TXNDC16: variants seen among roughly 807,000 people sequenced by gnomAD.
TXNDC16 encodes thioredoxin domain-containing protein 16.
TXNDC16 carries 74 observed loss-of-function variants against 85.6 expected under a neutral mutation model. That is an observed-to-expected ratio of 0.86 (90% CI 0.72 to 1.05). The LOEUF (loss-of-function observed/expected upper bound fraction) is 1.05. Ranked by LOEUF, TXNDC16 falls within the 50% of genes least tolerant of loss-of-function variation. TXNDC16 has a pLI of 0.00. For missense variants in TXNDC16, 959 were observed against 947.0 expected, an observed-to-expected ratio of 1.01 and a Z score of -0.17; for synonymous variants, 335 against 326.5, an observed-to-expected ratio of 1.03 and a Z score of -0.28.
chr14:52,454,452 T>C (rs1474991511), intron 18 of TXNDC16, among the ~76,000 whole-genome samples: 7 of 147,746 alleles, frequency 4.7e-5, no homozygotes, highest in Non-Finnish European at 8.9e-5. Flanking sequence ...CAAAAGCTCA[T>C]GTAACCCATA....
At chr14:52,498,655 G>A (rs560399985) in intron 9 of TXNDC16, among the ~76,000 whole-genome samples, 1 of 152,232 alleles carries the variant, frequency 6.6e-6, no homozygotes, top group Non-Finnish European at 1.5e-5. Flanking sequence ...AAACATTGCT[G>A]AGAGAAAATT....
intron 6 of TXNDC16, among the ~76,000 whole-genome samples, chr14:52,535,015 C>T (rs2037666901): frequency 6.6e-6 from 1 of 152,180 alleles, no homozygotes; most frequent in African/African-American, 2.4e-5. Context: ...CCAGCTGTTT[C>T]AAAACCACTT....
intron 11 of TXNDC16, among the ~76,000 whole-genome samples, chr14:52,488,835 A>AAAAAAAC (rs759638338): frequency 0.1 from 13,089 of 126,070 alleles, 798 homozygotes; most frequent in East Asian, 0.21. Context: ...CTCTGGGAAA[A>AAAAAAAC]AAAAAAAAAA....
intron 14 of TXNDC16, among the ~76,000 whole-genome samples, chr14:52,480,130 T>A (rs1594713718): frequency 6.6e-6 from 1 of 152,188 alleles, no homozygotes; most frequent in South Asian, 2.1e-4. Context: ...TGAAACTGGA[T>A]CCTCATCTCT....
chr14:52,512,807 C>G (rs1016768299), intron 8 of TXNDC16, among the ~76,000 whole-genome samples: 4 of 152,174 alleles, frequency 2.6e-5, no homozygotes, highest in Non-Finnish European at 5.9e-5. Flanking sequence ...GCCATATTAA[C>G]ACTTTTCAGC....
intron 14 of TXNDC16, among the ~76,000 whole-genome samples, chr14:52,478,799 C>G (rs971711529): frequency 6.6e-6 from 1 of 152,026 alleles, no homozygotes; most frequent in Non-Finnish European, 1.5e-5. Context: ...AGGGAACCCT[C>G]GCTAAATCAT....
At position 52,505,424 on chromosome 14, in the gene TXNDC16, G is replaced by A. The variant is rs539046091; in HGVS notation, c.756+5816C>T. ...AGGATTCAGAAACTCATTCAAAACC[G>A]CTCAACTACATGGAAACTGAACAAC... is the stretch of plus-strand genomic sequence containing the variant. On this transcript the variant is annotated intron_variant, in intron 9 of 20. Coordinates refer to ENST00000281741, the MANE Select transcript of TXNDC16 (RefSeq NM_020784.3). Among the ~76,000 whole-genome samples, 199 of 152,232 alleles carry A rather than the reference G, an allele frequency of 1.3e-3. 1 individual carries two copies. The highest frequency in any genetic ancestry group is 1.8e-3 in the African/African-American group (75 of 41,542).
At chr14:52,449,855 G>T (rs1048737468) in intron 18 of TXNDC16, among the ~76,000 whole-genome samples, 1 of 152,020 alleles carries the variant, frequency 6.6e-6, no homozygotes, top group South Asian at 2.1e-4. Flanking sequence ...TGAATGACCA[G>T]TGGGGTCAAT....
chr14:52,523,976 G>C (rs1485342878), intron 6 of TXNDC16, among the ~76,000 whole-genome samples: 1 of 152,168 alleles, frequency 6.6e-6, no homozygotes, highest in Non-Finnish European at 1.5e-5. Context: ...AATTAACAGA[G>C]CTGTGAGGAA....
At chr14:52,458,784 T>C (rs777495593) in intron 16 of TXNDC16, among the ~76,000 whole-genome samples, 39 of 152,168 alleles carry the variant, frequency 2.6e-4, no homozygotes, top group Non-Finnish European at 3.8e-4. Flanking sequence ...TAAGTAGCAA[T>C]AGAAAAGTAC....
intron 4 of TXNDC16, among the ~76,000 whole-genome samples, chr14:52,538,826 G>C (rs1042150517): frequency 1.3e-5 from 2 of 152,276 alleles, no homozygotes; most frequent in East Asian, 3.9e-4. Flanking sequence ...GGAAGAAGAA[G>C]AAGAACTGGG....
At position 52,452,030 on chromosome 14, in the gene TXNDC16, A is replaced by G. The variant is rs980759023; in HGVS notation, c.1842+3294T>C. Reference sequence around the variant, plus strand: ...AAATACAAAAATCAGCAGCATTTTTATATGCCAACAGTGAACAATCTGAAA... The same window carrying G: ...AAATACAAAAATCAGCAGCATTTTTGTATGCCAACAGTGAACAATCTGAAA... On this transcript the variant is annotated intron_variant, in intron 18 of 20. Coordinates refer to ENST00000281741, the MANE Select transcript of TXNDC16 (RefSeq NM_020784.3). Among the ~76,000 whole-genome samples the G allele has an allele frequency of 9.2e-5, 14 of 152,302 alleles. No individual in the cohort carries two copies. The East Asian group carries it at 2.3e-3, about 25-fold the overall frequency.
chr14:52,464,583 A>G (rs2035728434), intron 16 of TXNDC16, among the ~76,000 whole-genome samples: 1 of 152,144 alleles, frequency 6.6e-6, no homozygotes, highest in Admixed American at 6.5e-5. Flanking sequence ...GAGGAGTAAA[A>G]CACAGACTTA....
chr14:52,488,541 A>G, intron 11 of TXNDC16, 55 bp from the exon 12 acceptor site: 1 of 1,455,768 alleles, frequency 6.9e-7, no homozygotes, highest in East Asian at 2.5e-5. Flanking sequence ...TTGACATAAA[A>G]ATGTTTTACT....
At position 52,538,820 on chromosome 14, in the gene TXNDC16, G is replaced by A. The variant is rs183004349; in HGVS notation, c.244-1148C>T. Among the ~76,000 whole-genome samples the A allele has an allele frequency of 1.1e-4, 17 of 152,092 alleles. No individual in the cohort carries two copies. The East Asian group carries it at 1.2e-3, about 10-fold the overall frequency. ...TTTAATTTTAATGGGATTTGAGGAA[G>A]AAGAAGAAGAACTGGGGAAGCAACG... On this transcript the variant is annotated intron_variant, in intron 4 of 20. Transcript: ENST00000281741.
At chr14:52,503,019 G>A (rs916049870) in intron 9 of TXNDC16, among the ~76,000 whole-genome samples, 17 of 152,174 alleles carry the variant, frequency 1.1e-4, no homozygotes, top group East Asian at 7.7e-4. Flanking sequence ...AGGTGGCAGC[G>A]AGGCTTGAGG....
chr14:52,533,759 AAAC>A (rs1197592745), intron 6 of TXNDC16, among the ~76,000 whole-genome samples: 1 of 152,188 alleles, frequency 6.6e-6, no homozygotes, highest in East Asian at 1.9e-4. Context: ...AAGGAGTCCC[AAAC>A]AACAGGCCCC....
intron 12 of TXNDC16, among the ~76,000 whole-genome samples, chr14:52,484,973 T>G (rs1295898321): frequency 2.6e-5 from 4 of 152,204 alleles, no homozygotes; most frequent in Non-Finnish European, 4.4e-5. Flanking sequence ...GGTTTATATA[T>G]TTACTATACT....
chr14:52,475,341 G>A (rs1017638728), intron 14 of TXNDC16, among the ~76,000 whole-genome samples: 3 of 152,144 alleles, frequency 2.0e-5, no homozygotes, highest in Non-Finnish European at 4.4e-5. Flanking sequence ...GGGAGGGCAT[G>A]AATCCAGCGT....
Sources: gnomAD v4.1 joint callset for allele counts (sites outside exome capture counted in the v4.1 genomes callset) on GRCh38, gnomAD v4.1.1 for gene constraint, MANE v1.5 for transcripts, NCBI Gene and HGNC (gene_info 2026-07-23, HGNC 2026-07-21) for gene names.